Variants in PTPRD observed in about 807,000 individuals in gnomAD.
PTPRD encodes receptor-type tyrosine-protein phosphatase delta.
A neutral mutation model predicts 214.5 loss-of-function variants in PTPRD; 34 were observed. That is an observed-to-expected ratio of 0.16 (90% confidence interval 0.12 to 0.21). PTPRD has a LOEUF of 0.21. PTPRD is among the 10% of genes least tolerant of loss of function. The probability of loss-of-function intolerance (pLI) is 1.00; values close to 1 mark genes in which losing one functional copy is unlikely to be tolerated. For synonymous variants in PTPRD, 1,128 were observed against 845.7 expected (o/e 1.33, Z -5.79); for missense variants, 2,545 against 2,398.7 (o/e 1.06, Z -1.27).
chr9:9,269,412 A>C (rs2132664630), intron 9 of PTPRD, among the ~76,000 whole-genome samples: 1 of 151,250 alleles, frequency 6.6e-6, no homozygotes, highest in Admixed American at 6.6e-5. Flanking sequence ...GTAGGAATGT[A>C]AAGTTGTACA....
At chr9:9,133,614 T>A (rs2099846203) in intron 10 of PTPRD, among the ~76,000 whole-genome samples, 1 of 152,136 alleles carries the variant, frequency 6.6e-6, no homozygotes. Flanking sequence ...ACATAGGGAT[T>A]TTAGATGTGA....
intron 12 of PTPRD, among the ~76,000 whole-genome samples, chr9:8,640,145 G>A (rs186717017): frequency 1.3e-5 from 2 of 152,214 alleles, no homozygotes; most frequent in East Asian, 1.9e-4. Flanking sequence ...TGTTCAGCAT[G>A]TCTTGAACTC....
intron 7 of PTPRD, among the ~76,000 whole-genome samples, chr9:9,590,728 G>A (rs2092640585): frequency 6.6e-6 from 1 of 151,822 alleles, no homozygotes; most frequent in Non-Finnish European, 1.5e-5. Context: ...CTGAATCTTA[G>A]GCATATTACA....
Position 9,319,432 on chromosome 9 carries a change from T to C in PTPRD, c.-203+78017A>G, listed in dbSNP as rs185489955. Among the ~76,000 whole-genome samples, 70 of 152,168 alleles carry C rather than the reference T, an allele frequency of 4.6e-4. 1 individual carries two copies. The East Asian group carries it at 5.4e-3, about 12-fold the overall frequency. ...ATCTTTAGTTGGCCAAAGATAAAAA[T>C]AAAAGATGAAAACACACAGATGTGG... On this transcript the variant is annotated intron_variant, in intron 9 of 45. Transcript: ENST00000381196.
intron 11 of PTPRD, among the ~76,000 whole-genome samples, chr9:8,982,292 G>C (rs2099316756): frequency 6.6e-6 from 1 of 151,948 alleles, no homozygotes; most frequent in Non-Finnish European, 1.5e-5. Flanking sequence ...CTCTGGGTTT[G>C]TTCCAAAGAC....
At chr9:8,915,048 G>A (rs1188309404) in intron 11 of PTPRD, among the ~76,000 whole-genome samples, 1 of 152,030 alleles carries the variant, frequency 6.6e-6, no homozygotes, top group African/African-American at 2.4e-5. Context: ...CATCTAGTGT[G>A]GTCAGTGCTA....
intron 8 of PTPRD, among the ~76,000 whole-genome samples, chr9:9,514,376 CT>C (rs1342927554): frequency 6.6e-6 from 1 of 152,020 alleles, no homozygotes; most frequent in African/African-American, 2.4e-5. Flanking sequence ...GTCCTGGCAA[CT>C]GTCAGTTTGG....
chr9:9,200,287 A>G (rs1323436135), intron 9 of PTPRD, among the ~76,000 whole-genome samples: 3 of 152,218 alleles, frequency 2.0e-5, no homozygotes, highest in Non-Finnish European at 4.4e-5. Flanking sequence ...ACTTTTTGTT[A>G]TGTGAGATGA....
intron 14 of PTPRD, among the ~76,000 whole-genome samples, chr9:8,552,549 G>A (rs2082414903): frequency 6.6e-6 from 1 of 152,104 alleles, no homozygotes; most frequent in Admixed American, 6.6e-5. Context: ...ACTTCTCGCA[G>A]CTTCAGGAGA....
chr9:9,961,176 T>C (rs2094338387), intron 4 of PTPRD, among the ~76,000 whole-genome samples: 1 of 152,104 alleles, frequency 6.6e-6, no homozygotes. Flanking sequence ...AATTTGTATA[T>C]ATAAATATAG....
At chr9:8,693,482 CTA>C (rs1300279304) in intron 12 of PTPRD, among the ~76,000 whole-genome samples, 1 of 152,180 alleles carries the variant, frequency 6.6e-6, no homozygotes, top group Admixed American at 6.5e-5. Context: ...TTAGCATTCA[CTA>C]TGTTTTTTCA....
chr9:9,862,804 T>C (rs1467411861), intron 5 of PTPRD, among the ~76,000 whole-genome samples: 1 of 152,128 alleles, frequency 6.6e-6, no homozygotes, highest in Non-Finnish European at 1.5e-5. Flanking sequence ...AAGAAAAGTA[T>C]CTACAATTTT....
intron 2 of PTPRD, among the ~76,000 whole-genome samples, chr9:10,533,593 A>G (rs1385675526): frequency 6.6e-6 from 1 of 151,912 alleles, no homozygotes; most frequent in Admixed American, 6.6e-5. Flanking sequence ...TCACACACTT[A>G]TAAATAATAA....
At chr9:9,916,387 G>T (rs2080814146) in intron 5 of PTPRD, among the ~76,000 whole-genome samples, 1 of 151,418 alleles carries the variant, frequency 6.6e-6, no homozygotes, top group Admixed American at 6.6e-5. Context: ...AGGAACAAAG[G>T]GTATATAAAA....
chr9:9,215,319 T>G (rs906247832), intron 9 of PTPRD, among the ~76,000 whole-genome samples: 1 of 152,136 alleles, frequency 6.6e-6, no homozygotes, highest in African/African-American at 2.4e-5. Flanking sequence ...CCGGGAAAGT[T>G]ATGGAGCTAC....
chr9:8,533,532 A>C (rs1294248768), intron 14 of PTPRD, among the ~76,000 whole-genome samples: 1 of 152,056 alleles, frequency 6.6e-6, no homozygotes, highest in Non-Finnish European at 1.5e-5. Context: ...TTTTGGCAGT[A>C]ATGGCAGTAC....
chr9:10,245,255 C>G (rs1352237638), intron 3 of PTPRD, among the ~76,000 whole-genome samples: 1 of 152,048 alleles, frequency 6.6e-6, no homozygotes, highest in East Asian at 1.9e-4. Context: ...AAAGCAGAGA[C>G]AGCATTAAAT....
intron 14 of PTPRD, among the ~76,000 whole-genome samples, chr9:8,588,742 G>C (rs1182178132): frequency 2.0e-5 from 3 of 152,034 alleles, no homozygotes; most frequent in African/African-American, 7.2e-5. Flanking sequence ...GACACTACTT[G>C]ACCTGCAATC....
chr9:9,783,853 G>C (rs1167886567), intron 5 of PTPRD, among the ~76,000 whole-genome samples: 1 of 137,318 alleles, frequency 7.3e-6, no homozygotes, highest in East Asian at 2.2e-4. Context: ...AACTTGGTTT[G>C]CTCAAGAGTA....
Sources: gnomAD v4.1 joint callset for allele counts (sites outside exome capture counted in the v4.1 genomes callset) on GRCh38, gnomAD v4.1.1 for gene constraint, MANE v1.5 for transcripts, NCBI Gene and HGNC (gene_info 2026-07-23, HGNC 2026-07-21) for gene names.